The following ITK variants were observed in gnomAD, a reference collection of about 807,000 sequenced individuals.
The protein encoded by ITK is IL2 inducible T cell kinase, also known as tyrosine-protein kinase ITK/TSK.
ITK carries 45 observed loss-of-function variants against 87.6 expected under a neutral mutation model. The ratio of observed to expected loss-of-function variants is 0.51; its 90% confidence interval spans 0.40 to 0.66. The LOEUF (loss-of-function observed/expected upper bound fraction) is 0.66. Among genes scored for constraint, ITK ranks in the 30% least tolerant of loss-of-function variants. The pLI, the probability that ITK is intolerant of heterozygous loss-of-function variation, is 0.00. For missense variants in ITK, 605 were observed against 766.3 expected, an observed-to-expected ratio of 0.79 and a Z score of 2.48; for synonymous variants, 303 against 273.6, an observed-to-expected ratio of 1.11 and a Z score of -1.06.
intron 5 of ITK, 153 bp from the exon 6 acceptor site, chr5:157,222,710 G>C (rs1269813889): frequency 9.8e-6 from 7 of 717,884 alleles, no homozygotes; most frequent in Non-Finnish European, 2.5e-6. Context: ...TCCAAGCACT[G>C]ATGTCTTTGT....
At chr5:157,212,190 T>C (rs966617684) in intron 3 of ITK, among the ~76,000 whole-genome samples, 12 of 152,200 alleles carry the variant, frequency 7.9e-5, no homozygotes, top group African/African-American at 2.9e-4. Flanking sequence ...AATTGAATGA[T>C]TGAGGACTTA....
At chr5:157,236,414 A>G (rs576757878) in intron 8 of ITK, among the ~76,000 whole-genome samples, 16 of 152,170 alleles carry the variant, frequency 1.1e-4, no homozygotes, top group African/African-American at 3.9e-4. Context: ...GAGATTCTGG[A>G]ATTCAAACAA....
Position 157,246,014 on chromosome 5 carries a change from G to A in ITK, c.1633+15G>A. 1 of 1,546,860 alleles carries A rather than the reference G, an allele frequency of 6.5e-7. No homozygotes were observed. Among genetic ancestry groups the A allele is most frequent in the Non-Finnish European group, 8.9e-7 (1 of 1,119,096 alleles). ...GTGGTCATTTGGTGAGTGTCATGCT[G>A]GGCCCCACTGCCCCATGATCTGGGC... On this transcript the variant is annotated intron_variant, in intron 15 of 16. Coordinates refer to ENST00000422843, the MANE Select transcript of ITK (RefSeq NM_005546.4).
At chr5:157,223,135 C>T (rs1183506713) in intron 6 of ITK, 121 bp downstream of exon 6, 1 of 1,246,376 alleles carries the variant, frequency 8.0e-7, no homozygotes. Context: ...GAGAAGAGAG[C>T]AGAGGCAGAA....
At chr5:157,181,822 A>T (rs1223813312) in intron 1 of ITK, among the ~76,000 whole-genome samples, 1 of 152,202 alleles carries the variant, frequency 6.6e-6, no homozygotes, top group African/African-American at 2.4e-5. Context: ...AGGTCAGTCT[A>T]TCTCTTTATC....
chr5:157,197,882 C>T (rs998713569), intron 1 of ITK, among the ~76,000 whole-genome samples: 2 of 152,084 alleles, frequency 1.3e-5, no homozygotes, highest in African/African-American at 4.8e-5. Flanking sequence ...TTTATTACAT[C>T]TTTATATATT....
Position 157,240,124 on chromosome 5 carries a change from A to G in ITK, c.914A>G (p.Tyr305Cys). The change falls in exon 10 of 17, where the codon TAC becomes TGC. Residue 305 changes from tyrosine (Y) to cysteine (C), a missense_variant. Physicochemically the swap from Tyr to Cys is radical, Grantham distance 194 (BLOSUM62 -2). Around this residue, in one of 3 missense-constraint regions of ITK, gnomAD observed 464 missense variants for 578.0 expected, o/e 0.80. Transcript: ENST00000422843. ...IKETNDNPKR[Y>C]YVAEKYVFDS... ...GAAACAAATGACAATCCTAAGCGAT[A>G]CTATGTGGCTGAAAAGTATGTGTTC... is the stretch of plus-strand genomic sequence containing the variant. 1 of 1,613,336 alleles carries G rather than the reference A, an allele frequency of 6.2e-7. No homozygotes were observed. Among genetic ancestry groups the G allele is most frequent in the Non-Finnish European group, 8.5e-7 (1 of 1,179,228 alleles).
chr5:157,253,934 T>A lies in ITK; in HGVS notation c.*1256T>A, dbSNP rs952141924. ...TTCCCTGCAAAATCTCTGTTCACCC[T>A]GGGTTCACATCCCCATGAGGTAATA... On this transcript the variant is annotated 3_prime_UTR_variant, in exon 17 of 17. Coordinates refer to ENST00000422843, the MANE Select transcript of ITK (RefSeq NM_005546.4). The A allele has an allele frequency of 4.1e-5, 9 of 221,786 alleles. No homozygotes were observed. Among genetic ancestry groups the A allele is most frequent in the Admixed American group, 1.7e-4 (3 of 17,372 alleles). 13.7% of individuals were successfully genotyped at this position (221,786 alleles called of 1,614,324 possible).
intron 16 of ITK, among the ~76,000 whole-genome samples, chr5:157,252,223 C>T (rs1755153615): frequency 6.6e-6 from 1 of 151,930 alleles, no homozygotes; most frequent in Non-Finnish European, 1.5e-5. Flanking sequence ...GATTTATACC[C>T]AGATATTTCA....
intron 14 of ITK, 25 bp downstream of exon 14, chr5:157,245,815 G>T (rs893666533): frequency 2.5e-6 from 4 of 1,612,252 alleles, no homozygotes; most frequent in Non-Finnish European, 3.4e-6. Context: ...TGGTGCCGGT[G>T]AAGTCTCAGG....
intron 15 of ITK, 41 bp downstream of exon 15, chr5:157,246,040 T>A (rs371033008): frequency 1.4e-5 from 19 of 1,341,960 alleles, no homozygotes; most frequent in East Asian, 6.9e-5. Flanking sequence ...TGATCTGGGC[T>A]TCAGGCCAGC....
intron 16 of ITK, among the ~76,000 whole-genome samples, chr5:157,250,757 G>T (rs1434583842): frequency 1.3e-5 from 2 of 151,982 alleles, no homozygotes; most frequent in Non-Finnish European, 2.9e-5. Flanking sequence ...TCCACCTCAG[G>T]CCTCCCGTAG....
intron 4 of ITK, 72 bp downstream of exon 4, chr5:157,214,391 C>A (rs1754255240): frequency 1.6e-6 from 2 of 1,237,364 alleles, no homozygotes; most frequent in African/African-American, 1.5e-5. Flanking sequence ...GGCCTTTAAT[C>A]ATTGAGGGTG....
In ITK at chr5:157,254,719, A is replaced by G; in HGVS notation, c.*2041A>G. On this transcript the variant is annotated 3_prime_UTR_variant, in exon 17 of 17. Transcript: ENST00000422843. ...TATCTTTTGGGATCCTTAATTAGAG[A>G]TGATTTCTGGAACATTCAGTCTAGA... 1 of 218,828 alleles carries G rather than the reference A, an allele frequency of 4.6e-6. No homozygotes were observed. Among genetic ancestry groups the G allele is most frequent in the Non-Finnish European group, 9.2e-6 (1 of 109,006 alleles). The allele number at this position is 218,828 out of a possible 1,614,324, so 13.6% of individuals were successfully genotyped here. A position where few individuals can be genotyped will look rare whatever the true frequency, so the allele number is the denominator to read the frequency against.
chr5:157,223,885 C>T (rs1341107142), intron 6 of ITK, among the ~76,000 whole-genome samples: 5 of 152,158 alleles, frequency 3.3e-5, no homozygotes, highest in African/African-American at 1.2e-4. Context: ...ACTGTCCTTG[C>T]AACATATAGA....
intron 4 of ITK, 137 bp downstream of exon 4, chr5:157,214,456 T>C: frequency 4.0e-6 from 3 of 752,038 alleles, no homozygotes; most frequent in Non-Finnish European, 6.9e-6. Context: ...AGGAATCATC[T>C]GTCTTTCCTA....
intron 1 of ITK, among the ~76,000 whole-genome samples, chr5:157,198,902 A>T (rs748708990): frequency 5.3e-5 from 8 of 152,058 alleles, no homozygotes; most frequent in Non-Finnish European, 8.8e-5. Flanking sequence ...GGCTGGTACT[A>T]CGGGCATGTG....
intron 1 of ITK, among the ~76,000 whole-genome samples, chr5:157,189,941 C>A (rs552069442): frequency 1.3e-5 from 2 of 152,154 alleles, no homozygotes; most frequent in Non-Finnish European, 2.9e-5. Context: ...TAATTTTCAT[C>A]CAGAGGTCAG....
chr5:157,233,963 ATTTTTTTTTTTTTTTTTTTTTTT>A (rs869230073), intron 8 of ITK, among the ~76,000 whole-genome samples: 1 of 22,300 alleles, frequency 4.5e-5, no homozygotes, highest in Non-Finnish European at 8.0e-5. Context: ...ATATATATAT[ATTTTTTTTTTTTTTTTTTTTTTT>A]TTTTTTTTTT....
Sources: allele counts gnomAD v4.1 joint callset (sites outside exome capture counted in the v4.1 genomes callset), GRCh38; gene constraint gnomAD v4.1.1; regional missense constraint gnomAD v4.1.1; transcripts MANE v1.5; gene names NCBI Gene and HGNC (gene_info 2026-07-23, HGNC 2026-07-21).